The following CACNA2D3 variants were observed in gnomAD, a reference collection of about 807,000 sequenced individuals.
CACNA2D3 encodes the protein voltage-dependent calcium channel subunit alpha-2/delta-3.
A neutral mutation model predicts 160.6 loss-of-function variants in CACNA2D3; 60 were observed. The ratio of observed to expected loss-of-function variants is 0.37; its 90% CI spans 0.30 to 0.46. The LOEUF (loss-of-function observed/expected upper bound fraction) is 0.46, where lower values mean the gene tolerates loss of function less well. Ranked by LOEUF, CACNA2D3 falls within the 20% of genes least tolerant of loss-of-function variation. The probability of loss-of-function intolerance (pLI) is 1.00; values close to 1 mark genes in which losing one functional copy is unlikely to be tolerated. For synonymous variants in CACNA2D3, 558 were observed against 492.9 expected, an observed-to-expected ratio of 1.13 and a Z score of -1.75; for missense variants, 1,205 against 1,365.0, an observed-to-expected ratio of 0.88 and a Z score of 1.85.
intron 2 of CACNA2D3, among the ~76,000 whole-genome samples, chr3:54,219,550 G>T (rs1460208881): frequency 6.6e-6 from 1 of 152,114 alleles, no homozygotes; most frequent in Middle Eastern, 3.2e-3. Flanking sequence ...TGTACCCCTT[G>T]GGTTTCTCTT....
intron 4 of CACNA2D3, among the ~76,000 whole-genome samples, chr3:54,431,398 A>G (rs530011249): frequency 1.2e-3 from 179 of 152,212 alleles, no homozygotes; most frequent in Non-Finnish European, 1.1e-3. Context: ...TTGCTATTAA[A>G]TGAAAGTGGA....
intron 37 of CACNA2D3, 114 bp from the exon 38 acceptor site, chr3:55,074,000 T>C (rs1344663925): frequency 9.0e-7 from 1 of 1,105,896 alleles, no homozygotes; most frequent in Non-Finnish European, 1.4e-6. Context: ...TGCACCATCA[T>C]CTAGGTCCCA....
At chr3:54,198,039 C>T (rs1338840197) in intron 2 of CACNA2D3, among the ~76,000 whole-genome samples, 1 of 152,182 alleles carries the variant, frequency 6.6e-6, no homozygotes, top group Non-Finnish European at 1.5e-5. Flanking sequence ...CGTGAAGTTC[C>T]AAGGAAAGTG....
chr3:54,476,137 C>T (rs1700826782), intron 4 of CACNA2D3, among the ~76,000 whole-genome samples: 1 of 148,880 alleles, frequency 6.7e-6, no homozygotes, highest in African/African-American at 2.5e-5. Context: ...GCATAATGTC[C>T]TCCTGGTTCG....
intron 2 of CACNA2D3, among the ~76,000 whole-genome samples, chr3:54,250,254 A>G (rs927379833): frequency 1.3e-4 from 20 of 152,184 alleles, no homozygotes; most frequent in Non-Finnish European, 2.9e-5. Flanking sequence ...CTGGCAATGT[A>G]TTATCTACCG....
chr3:54,360,653 T>C (rs1340768935), intron 3 of CACNA2D3, among the ~76,000 whole-genome samples: 1 of 152,166 alleles, frequency 6.6e-6, no homozygotes, highest in Non-Finnish European at 1.5e-5. Context: ...CTGTGCTCAG[T>C]TTCCTCTAGG....
chr3:54,506,170 C>T (rs1228244149), intron 5 of CACNA2D3, among the ~76,000 whole-genome samples: 6 of 149,686 alleles, frequency 4.0e-5, no homozygotes, highest in Non-Finnish European at 8.9e-5. Context: ...CCCTAACAGC[C>T]TTTTTTTTTT....
intron 31 of CACNA2D3, among the ~76,000 whole-genome samples, chr3:55,003,585 G>A (rs1703028982): frequency 6.6e-6 from 1 of 152,130 alleles, no homozygotes; most frequent in African/African-American, 2.4e-5. Context: ...GTCTTCGTAG[G>A]GGAGGGAAAA....
intron 4 of CACNA2D3, among the ~76,000 whole-genome samples, chr3:54,404,211 A>G (rs1334639431): frequency 3.9e-5 from 6 of 152,222 alleles, no homozygotes; most frequent in Non-Finnish European, 4.4e-5. Flanking sequence ...GTCAGTATCA[A>G]TATCTCTGAT....
intron 11 of CACNA2D3, among the ~76,000 whole-genome samples, chr3:54,703,194 T>C (rs553861740): frequency 6.6e-6 from 1 of 152,108 alleles, no homozygotes; most frequent in South Asian, 2.1e-4. Flanking sequence ...AATTTACTCA[T>C]GTAACAAACT....
chr3:54,965,449 A>G (rs2107059648), intron 27 of CACNA2D3, among the ~76,000 whole-genome samples: 1 of 152,186 alleles, frequency 6.6e-6, no homozygotes, highest in South Asian at 2.1e-4. Flanking sequence ...TGGGCTCTCC[A>G]TGCCTCACCT....
chr3:54,318,732 T>C (rs965003069), intron 2 of CACNA2D3, among the ~76,000 whole-genome samples: 1 of 146,966 alleles, frequency 6.8e-6, no homozygotes, highest in African/African-American at 2.5e-5. Context: ...CCTTACTGTG[T>C]CACCCAGGCT....
At chr3:54,192,968 C>T (rs1324081223) in intron 2 of CACNA2D3, among the ~76,000 whole-genome samples, 1 of 152,216 alleles carries the variant, frequency 6.6e-6, no homozygotes, top group Non-Finnish European at 1.5e-5. Context: ...CCAGCACAGG[C>T]TATCCTTCAA....
At chr3:54,999,258 T>C (rs1702927336) in intron 31 of CACNA2D3, among the ~76,000 whole-genome samples, 1 of 152,146 alleles carries the variant, frequency 6.6e-6, no homozygotes, top group Non-Finnish European at 1.5e-5. Context: ...AGCACTCCTA[T>C]CAACAGGTTG....
At chr3:54,432,691 G>T (rs1700006880) in intron 4 of CACNA2D3, among the ~76,000 whole-genome samples, 1 of 152,092 alleles carries the variant, frequency 6.6e-6, no homozygotes, top group East Asian at 1.9e-4. Flanking sequence ...TATGCATATT[G>T]CTGCTGCTCT....
intron 11 of CACNA2D3, among the ~76,000 whole-genome samples, chr3:54,739,585 T>C (rs1418167001): frequency 6.6e-6 from 1 of 152,072 alleles, no homozygotes; most frequent in African/African-American, 2.4e-5. Context: ...GCACTATGCT[T>C]AGAAAAGGAA....
chr3:54,580,670 A>G (rs1702660651), intron 8 of CACNA2D3, among the ~76,000 whole-genome samples: 1 of 152,170 alleles, frequency 6.6e-6, no homozygotes, highest in Admixed American at 6.5e-5. Flanking sequence ...AATAACACCG[A>G]AGGACCAGGC....
chr3:54,693,686 C>T (rs1392397825), intron 11 of CACNA2D3, among the ~76,000 whole-genome samples: 1 of 152,058 alleles, frequency 6.6e-6, no homozygotes, highest in African/African-American at 2.4e-5. Flanking sequence ...TCCAGTGGGA[C>T]AAGAGGTGGA....
intron 11 of CACNA2D3, among the ~76,000 whole-genome samples, chr3:54,727,075 C>A (rs111414853): frequency 0.018 from 2,704 of 152,174 alleles, 87 homozygotes; most frequent in African/African-American, 0.062. Context: ...AGAAAAACAA[C>A]CCCATCAAAA....
Sources: gnomAD v4.1 joint callset for allele counts (sites outside exome capture counted in the v4.1 genomes callset) on GRCh38, gnomAD v4.1.1 for gene constraint, MANE v1.5 for transcripts, NCBI Gene and HGNC (gene_info 2026-07-23, HGNC 2026-07-21) for gene names.